Variants in TGM7 observed in about 807,000 individuals in gnomAD.
TGM7 encodes transglutaminase 7, also known as protein-glutamine gamma-glutamyltransferase Z.
Under a neutral mutation model 79.5 loss-of-function variants are expected in TGM7, and 74 were observed. The ratio of observed to expected loss-of-function variants is 0.93; its 90% CI spans 0.77 to 1.13. The LOEUF is 1.13. Ranked by LOEUF, TGM7 falls within the 50% of genes most tolerant of loss-of-function variation. TGM7 has a pLI of 0.00. For missense variants in TGM7, 912 were observed against 905.9 expected, an observed-to-expected ratio of 1.01 and a Z score of -0.09; for synonymous variants, 354 against 362.5, an observed-to-expected ratio of 0.98 and a Z score of 0.27.
intron 1 of TGM7, among the ~76,000 whole-genome samples, chr15:43,296,152 G>A (rs891530662): frequency 6.6e-6 from 1 of 152,158 alleles, no homozygotes; most frequent in Non-Finnish European, 1.5e-5. Context: ...GCAGCCGGGT[G>A]AGGTGGCTCA....
Position 43,278,125 on chromosome 15 carries a change from C to G in TGM7, c.1839+992G>C, listed in dbSNP as rs2042887406. Among the ~76,000 whole-genome samples the G allele has an allele frequency of 2.6e-5, 4 of 152,300 alleles. No individual in the cohort carries two copies. In the South Asian group the frequency reaches 8.3e-4, roughly 32 times the overall value. Reference sequence around the variant, plus strand: ...CCTGGGTGAAAACCCTGGGGTAGGCCAGCTGATTTATGGTCTGGAGCTGCC... The same window carrying G: ...CCTGGGTGAAAACCCTGGGGTAGGCGAGCTGATTTATGGTCTGGAGCTGCC... On this transcript the variant is annotated intron_variant, in intron 11 of 12. Transcript: ENST00000452443.
intron 4 of TGM7, among the ~76,000 whole-genome samples, chr15:43,290,639 T>C (rs1470900570): frequency 6.6e-6 from 1 of 152,230 alleles, no homozygotes; most frequent in Admixed American, 6.5e-5. Flanking sequence ...GCATTGAATC[T>C]ATAAATTACC....
chr15:43,278,896 C>T (rs921334263), intron 11 of TGM7, among the ~76,000 whole-genome samples: 1 of 152,256 alleles, frequency 6.6e-6, no homozygotes, highest in Non-Finnish European at 1.5e-5. Context: ...TCTAATTTCT[C>T]TATAGTTTCC....
intron 9 of TGM7, 36 bp from the exon 10 acceptor site, chr15:43,279,987 G>A: frequency 6.3e-7 from 1 of 1,583,824 alleles, no homozygotes; most frequent in Non-Finnish European, 8.6e-7. Context: ...CATGCATGGG[G>A]AGGGGTGGAG....
intron 1 of TGM7, among the ~76,000 whole-genome samples, chr15:43,299,413 G>T (rs1265680486): frequency 6.6e-6 from 1 of 152,218 alleles, no homozygotes; most frequent in Non-Finnish European, 1.5e-5. Context: ...GTGTGCAAGG[G>T]GCTGGCATCC....
chr15:43,281,362 C>A (rs567510630), intron 9 of TGM7, among the ~76,000 whole-genome samples: 1 of 152,228 alleles, frequency 6.6e-6, no homozygotes, highest in African/African-American at 2.4e-5. Flanking sequence ...CTGACTCCAC[C>A]GCTCCCCTTG....
intron 6 of TGM7, 111 bp from the exon 7 acceptor site, chr15:43,285,063 G>T: frequency 8.1e-7 from 1 of 1,231,872 alleles, no homozygotes; most frequent in African/African-American, 1.5e-5. Flanking sequence ...AGACGCTTAC[G>T]GAACCACACC....
Position 43,279,943 on chromosome 15 carries a change from CAG to C in TGM7, c.1358_1359del (p.Pro453ArgfsTer33), listed in dbSNP as rs1566842647. 1 of 1,613,512 alleles carries C rather than the reference CAG, an allele frequency of 6.2e-7. No homozygotes were observed. The highest frequency in any genetic ancestry group is 8.5e-7 in the Non-Finnish European group (1 of 1,179,650). On this transcript the variant is annotated frameshift_variant, in exon 10 of 13. Transcript: ENST00000452443. LOFTEE classifies it high-confidence loss of function. ...GCCTTCATGAAGACAGCTCTCTCCT[CAG>C]GGGATCCTGCAGAAGGGAGAGGTAG... ...TSSYKYPEGS[P>X]EERAVFMKAS...
chr15:43,291,944 G>A, intron 4 of TGM7, 35 bp downstream of exon 4: 1 of 1,524,464 alleles, frequency 6.6e-7, no homozygotes, highest in South Asian at 1.1e-5. Flanking sequence ...GCCTTAGGGA[G>A]CCCACCCCAG....
chr15:43,288,173 G>T (rs1362292787), intron 4 of TGM7, among the ~76,000 whole-genome samples: 1 of 152,230 alleles, frequency 6.6e-6, no homozygotes, highest in Non-Finnish European at 1.5e-5. Flanking sequence ...AGCAGACGCT[G>T]CGGGCCCTGG....
At chr15:43,282,752 G>T (rs1200171297) in intron 7 of TGM7, 132 bp from the exon 8 acceptor site, 8 of 768,610 alleles carry the variant, frequency 1.0e-5, no homozygotes, top group Non-Finnish European at 1.7e-5. Context: ...CATACTAAAA[G>T]TCACAAGAAT....
chr15:43,291,798 A>G (rs1309254429), intron 4 of TGM7, among the ~76,000 whole-genome samples, 181 bp downstream of exon 4: 1 of 152,132 alleles, frequency 6.6e-6, no homozygotes, highest in African/African-American at 2.4e-5. Flanking sequence ...AAGGAAAGAC[A>G]TCCACCCCTT....
chr15:43,276,493 A>G lies in TGM7; in HGVS notation c.2095T>C (p.Tyr699His), dbSNP rs1365341806. 1 of 1,614,056 alleles carries G rather than the reference A, an allele frequency of 6.2e-7. No individual in the cohort carries two copies. Among genetic ancestry groups the G allele is most frequent in the Admixed American group, 1.7e-5 (1 of 60,014 alleles). ...SSNEVKEIKG[Y>H]KDIFVTVAGA... ...GCCACAGTGACGAAGATGTCCTTGT[A>G]GCCTTTGATCTCCTTGACCTCGTTG... The change falls in exon 13 of 13, where the codon TAC (tyrosine) becomes CAC (histidine). Residue 699 changes from tyrosine (Y) to histidine (H), a missense_variant. Physicochemically the swap from Tyr to His is moderately conservative, Grantham distance 83. Transcript: ENST00000452443.
At chr15:43,282,115 G>A (rs1276287566) in intron 8 of TGM7, 29 bp from the exon 9 acceptor site, 2 of 1,607,748 alleles carry the variant, frequency 1.2e-6, no homozygotes, top group Admixed American at 3.3e-5. Flanking sequence ...ACTGATATGG[G>A]GGCCAGGGGC....
At chr15:43,277,767 C>T (rs2042885399) in intron 11 of TGM7, among the ~76,000 whole-genome samples, 1 of 152,194 alleles carries the variant, frequency 6.6e-6, no homozygotes, top group African/African-American at 2.4e-5. Context: ...CCACCCAGAT[C>T]GTACTAGGGG....
At chr15:43,286,202 T>C (rs1180006281) in intron 6 of TGM7, among the ~76,000 whole-genome samples, 2 of 152,176 alleles carry the variant, frequency 1.3e-5, no homozygotes, top group African/African-American at 4.8e-5. Flanking sequence ...GAGCTACACC[T>C]GGGCTGGAAG....
intron 8 of TGM7, 99 bp from the exon 9 acceptor site, chr15:43,282,185 C>A: frequency 1.3e-6 from 2 of 1,498,330 alleles, no homozygotes; most frequent in Non-Finnish European, 1.8e-6. Context: ...TGACTCTCAC[C>A]CGTGGGATAT....
intron 1 of TGM7, among the ~76,000 whole-genome samples, chr15:43,300,251 T>C (rs1297929937): frequency 2.0e-5 from 3 of 152,260 alleles, no homozygotes; most frequent in Non-Finnish European, 4.4e-5. Flanking sequence ...CCAGGCTTTA[T>C]GTACATCATC....
chr15:43,286,013 G>A (rs896368396), intron 6 of TGM7, among the ~76,000 whole-genome samples: 6 of 152,036 alleles, frequency 3.9e-5, no homozygotes, highest in Admixed American at 2.0e-4. Context: ...AGGGGCAGAC[G>A]GTGCCTACTG....
Sources: gnomAD v4.1 joint callset for allele counts (sites outside exome capture counted in the v4.1 genomes callset) on GRCh38, gnomAD v4.1.1 for gene constraint, MANE v1.5 for transcripts, NCBI Gene and HGNC (gene_info 2026-07-23, HGNC 2026-07-21) for gene names.